PRKG1: variants seen among roughly 807,000 people sequenced by gnomAD.
The protein encoded by PRKG1 is protein kinase cGMP-dependent 1, also known as cGMP-dependent protein kinase 1.
In PRKG1, 35 loss-of-function variants were observed where a neutral mutation model predicts 88.1. The observed-to-expected ratio is 0.40, with a 90% CI of 0.30 to 0.53. The LOEUF is 0.53. Ranked by LOEUF, PRKG1 falls within the 20% of genes least tolerant of loss-of-function variation. PRKG1 has a pLI of 0.59. For missense variants in PRKG1, 540 were observed against 839.8 expected (o/e 0.64, Z 4.41); for synonymous variants, 303 against 292.5 (o/e 1.04, Z -0.37).
intron 4 of PRKG1, among the ~76,000 whole-genome samples, chr10:51,856,568 G>A (rs1037246613): frequency 2.0e-5 from 3 of 152,118 alleles, no homozygotes; most frequent in Non-Finnish European, 2.9e-5. Flanking sequence ...TCTTCTGTAA[G>A]GTGGCCATTA....
intron 2 of PRKG1, among the ~76,000 whole-genome samples, chr10:51,390,333 C>G (rs1342795192): frequency 6.6e-6 from 1 of 152,154 alleles, no homozygotes; most frequent in Non-Finnish European, 1.5e-5. Context: ...AAACTGCAGG[C>G]TGCTAAATAC....
At chr10:51,610,076 A>G (rs544564215) in intron 3 of PRKG1, among the ~76,000 whole-genome samples, 1 of 152,336 alleles carries the variant, frequency 6.6e-6, no homozygotes, top group East Asian at 1.9e-4. Context: ...AGAATGTATA[A>G]TGATTAAGTC....
chr10:51,878,694 C>T (rs1385839481), intron 4 of PRKG1, among the ~76,000 whole-genome samples: 2 of 152,180 alleles, frequency 1.3e-5, no homozygotes, highest in Admixed American at 1.3e-4. Context: ...AGAATACCAA[C>T]AGTTTCTATT....
chr10:51,898,064 C>G lies in PRKG1; in HGVS notation c.699-9443C>G, dbSNP rs144301256. Among the ~76,000 whole-genome samples the G allele has an allele frequency of 3.4e-4, 51 of 152,186 alleles. No individual in the cohort carries two copies. In the East Asian group the frequency reaches 9.7e-3, roughly 29 times the overall value. On this transcript the variant is annotated intron_variant, in intron 4 of 17. Coordinates refer to ENST00000373980, the MANE Select transcript of PRKG1 (RefSeq NM_006258.4). Reference sequence around the variant, plus strand: ...TTCACTGAAGTCTAGACACTCTGACCTCTTTGCTACTCCTGGAATCTACCA... The same window carrying G: ...TTCACTGAAGTCTAGACACTCTGACGTCTTTGCTACTCCTGGAATCTACCA...
intron 8 of PRKG1, among the ~76,000 whole-genome samples, chr10:52,149,571 C>A (rs527413043): frequency 6.6e-6 from 1 of 152,022 alleles, no homozygotes; most frequent in African/African-American, 2.4e-5. Context: ...ACCAACAGGG[C>A]GCACATGCAG....
At chr10:51,562,233 A>C (rs1039215120) in intron 3 of PRKG1, among the ~76,000 whole-genome samples, 4 of 151,996 alleles carry the variant, frequency 2.6e-5, no homozygotes, top group Non-Finnish European at 5.9e-5. Flanking sequence ...CAAAAAAAAA[A>C]AAATGCTACT....
At chr10:51,303,432 A>G (rs887761565) in intron 2 of PRKG1, among the ~76,000 whole-genome samples, 2 of 151,778 alleles carry the variant, frequency 1.3e-5, no homozygotes, top group Non-Finnish European at 2.9e-5. Flanking sequence ...GCTGTCAGTG[A>G]CATCTGCCAA....
At position 51,112,714 on chromosome 10, in the gene PRKG1, G is replaced by A. The variant is rs537034333; in HGVS notation, c.311+37813G>A. Among the ~76,000 whole-genome samples, 12 of 152,208 alleles carry A rather than the reference G, an allele frequency of 7.9e-5. No individual in the cohort carries two copies. In the South Asian group the frequency reaches 2.5e-3, roughly 32 times the overall value. The stretch of plus-strand genomic sequence containing the variant: ...TGTATATTTGGAAAATTAGGATAGG[G>A]TGAAATTAGGAACTATATGCAGCAT... On this transcript the variant is annotated intron_variant, in intron 1 of 17. Coordinates refer to ENST00000373980, the MANE Select transcript of PRKG1 (RefSeq NM_006258.4).
At chr10:51,609,763 C>T (rs1173348134) in intron 3 of PRKG1, among the ~76,000 whole-genome samples, 1 of 152,138 alleles carries the variant, frequency 6.6e-6, no homozygotes, top group African/African-American at 2.4e-5. Context: ...CACGTGTTCT[C>T]ACTTTTTAGT....
intron 3 of PRKG1, among the ~76,000 whole-genome samples, chr10:51,601,272 T>C: frequency 6.6e-6 from 1 of 152,138 alleles, no homozygotes; most frequent in Non-Finnish European, 1.5e-5. Flanking sequence ...ATCTCCTTTG[T>C]GATTGAGTCC....
chr10:51,280,078 G>A lies in PRKG1; in HGVS notation c.478+126748G>A, dbSNP rs561851969. 1.4e-3 allele frequency among the ~76,000 whole-genome samples: 210 copies of A among 152,124 alleles called. 1 individual carries two copies. The highest frequency in any genetic ancestry group is 2.3e-3 in the Non-Finnish European group (153 of 67,990). On this transcript the variant is annotated intron_variant, in intron 2 of 17. Coordinates refer to ENST00000373980, the MANE Select transcript of PRKG1 (RefSeq NM_006258.4). ...TTGTAGGGCAGGCCTGGTGGTGACA[G>A]AATCTCTCAGCATTTGCTTGTCTGT... is the stretch of plus-strand genomic sequence containing the variant.
intron 3 of PRKG1, among the ~76,000 whole-genome samples, chr10:51,549,660 A>G (rs1842533799): frequency 6.6e-6 from 1 of 152,120 alleles, no homozygotes; most frequent in Non-Finnish European, 1.5e-5. Flanking sequence ...ATGTGACCTA[A>G]TTAAGCTGAC....
At chr10:51,859,160 T>C (rs2132828811) in intron 4 of PRKG1, among the ~76,000 whole-genome samples, 1 of 152,322 alleles carries the variant, frequency 6.6e-6, no homozygotes, top group South Asian at 2.1e-4. Context: ...TGATTCCCTT[T>C]AAATTGGCGT....
intron 7 of PRKG1, among the ~76,000 whole-genome samples, chr10:52,079,068 A>C (rs951392363): frequency 9.2e-5 from 14 of 152,334 alleles, no homozygotes; most frequent in African/African-American, 3.1e-4. Context: ...TCCTCTGTTA[A>C]GAACACTTAC....
chr10:52,022,818 C>G (rs140000402), intron 5 of PRKG1, among the ~76,000 whole-genome samples: 1 of 152,048 alleles, frequency 6.6e-6, no homozygotes, highest in East Asian at 1.9e-4. Flanking sequence ...CAGGAAATAG[C>G]AAAATCATGT....
At chr10:52,171,160 C>G (rs548101056) in intron 9 of PRKG1, among the ~76,000 whole-genome samples, 13 of 144,326 alleles carry the variant, frequency 9.0e-5, no homozygotes, top group African/African-American at 3.3e-4. Flanking sequence ...TTTTTTTTGC[C>G]TGACATTTTC....
chr10:51,761,352 T>C (rs544428231), intron 3 of PRKG1, among the ~76,000 whole-genome samples: 35 of 152,232 alleles, frequency 2.3e-4, no homozygotes, highest in Non-Finnish European at 4.7e-4. Flanking sequence ...TGGTGGAAAT[T>C]ATTGTTATGC....
rs564739493 is a variant in PRKG1 at position 52,110,204 on chromosome 10, C to T, written c.936-23636C>T. 2.4e-4 allele frequency among the ~76,000 whole-genome samples: 37 copies of T among 151,778 alleles called. No homozygotes were observed. The East Asian group carries it at 7.0e-3, about 29-fold the overall frequency. ...TCTACTAAAAATACAAAAAATTAGCCAGGCGTGGTGGCGGGTGCCTGTAGT... is the reference window on the plus strand; with the variant it reads ...TCTACTAAAAATACAAAAAATTAGCTAGGCGTGGTGGCGGGTGCCTGTAGT... On this transcript the variant is annotated intron_variant, in intron 7 of 17. Transcript: ENST00000373980.
chr10:52,272,265 G>C, intron 11 of PRKG1, 127 bp from the exon 12 acceptor site: 2 of 613,422 alleles, frequency 3.3e-6, no homozygotes, highest in Non-Finnish European at 5.5e-6. Context: ...TGTGGGCTTA[G>C]ATCTCTCTCA....
Sources: gnomAD v4.1 joint callset for allele counts (sites outside exome capture counted in the v4.1 genomes callset) on GRCh38, gnomAD v4.1.1 for gene constraint, MANE v1.5 for transcripts, NCBI Gene and HGNC (gene_info 2026-07-23, HGNC 2026-07-21) for gene names.